RAPGEF1: variants seen among roughly 807,000 people sequenced by gnomAD.
RAPGEF1 encodes the protein CRK SH3-binding GNRP.
RAPGEF1 carries 33 observed loss-of-function variants against 143.3 expected under a neutral mutation model. That is an observed-to-expected ratio of 0.23 (90% CI 0.17 to 0.31). RAPGEF1 has a LOEUF of 0.31. Ranked by LOEUF, RAPGEF1 falls within the 10% of genes least tolerant of loss-of-function variation. The pLI is 1.00. For synonymous variants in RAPGEF1, 629 were observed against 676.5 expected, an observed-to-expected ratio of 0.93 and a Z score of 1.09; for missense variants, 1,199 against 1,645.4, an observed-to-expected ratio of 0.73 and a Z score of 4.69.
At chr9:131,737,703 G>A (rs1837509583) in intron 1 of RAPGEF1, among the ~76,000 whole-genome samples, 1 of 152,060 alleles carries the variant, frequency 6.6e-6, no homozygotes, top group Non-Finnish European at 1.5e-5. Context: ...GGTGGCTCAC[G>A]CATGTAATCC....
Position 131,603,896 on chromosome 9 carries a change from G to A in RAPGEF1, c.2412+65C>T, listed in dbSNP as rs933839530. The A allele has an allele frequency of 1.1e-5, 11 of 1,041,456 alleles. No individual in the cohort carries two copies. In the East Asian group the frequency reaches 5.8e-4, roughly 55 times the overall value. The allele number at this position is 1,041,456 out of a possible 1,614,324, so 64.5% of individuals were successfully genotyped here. A position where few individuals can be genotyped will look rare whatever the true frequency, so the allele number is the denominator to read the frequency against. On this transcript the variant is annotated intron_variant, in intron 14 of 26. Transcript: ENST00000683357. ...AAGCAGGTGCGGGGGAAGCGGCCTC[G>A]GGAGGGCAGAGCCCAAGCCCCACCA...
At chr9:131,726,655 C>T (rs1836693848) in intron 1 of RAPGEF1, among the ~76,000 whole-genome samples, 1 of 151,810 alleles carries the variant, frequency 6.6e-6, no homozygotes, top group Admixed American at 6.6e-5. Flanking sequence ...GAAGCAGATC[C>T]ATGCTGCCAG....
At chr9:131,681,695 C>A (rs994580949) in intron 1 of RAPGEF1, among the ~76,000 whole-genome samples, 1 of 152,172 alleles carries the variant, frequency 6.6e-6, no homozygotes, top group Non-Finnish European at 1.5e-5. Flanking sequence ...TGCGCACCAG[C>A]TTTTGGGGGT....
chr9:131,639,747 A>G (rs1408727640), intron 4 of RAPGEF1, among the ~76,000 whole-genome samples: 1 of 152,174 alleles, frequency 6.6e-6, no homozygotes, highest in Non-Finnish European at 1.5e-5. Flanking sequence ...ACACCCCAAA[A>G]TGATGCAGAT....
chr9:131,597,331 ATC>A (rs1955475213), intron 16 of RAPGEF1, among the ~76,000 whole-genome samples: 1 of 152,206 alleles, frequency 6.6e-6, no homozygotes, highest in African/African-American at 2.4e-5. Flanking sequence ...TATGGCAAGG[ATC>A]TCTCTGCAGA....
At chr9:131,603,679 G>GTGC (rs1956637731) in intron 14 of RAPGEF1, among the ~76,000 whole-genome samples, 1 of 152,100 alleles carries the variant, frequency 6.6e-6, no homozygotes, top group South Asian at 2.1e-4. Flanking sequence ...GCCGGGGCCC[G>GTGC]TGCCACGCTG....
intron 5 of RAPGEF1, among the ~76,000 whole-genome samples, chr9:131,633,722 C>T (rs1588628127): frequency 1.3e-5 from 2 of 152,140 alleles, no homozygotes; most frequent in Non-Finnish European, 2.9e-5. Flanking sequence ...ATAAAAGGGG[C>T]GGGCTGCTTT....
rs181495081 is a variant in RAPGEF1, at chr9:131,655,880, C to A, written c.62-4931G>T. Among the ~76,000 whole-genome samples the A allele has an allele frequency of 2.0e-5, 3 of 152,096 alleles. No homozygotes were observed. The highest frequency in any genetic ancestry group is 2.9e-5 in the Non-Finnish European group (2 of 67,974). On this transcript the variant is annotated intron_variant, in intron 1 of 26. Transcript: ENST00000683357. The surrounding 1 kb of genome is among the most constrained non-coding windows in gnomAD (Gnocchi z 4.1). ...GAGATTACAGGTGTGAGCCACCGCG[C>A]CCGGCCAAAAAATTTTCTAAAAGGG...
intron 1 of RAPGEF1, among the ~76,000 whole-genome samples, chr9:131,664,274 T>C (rs115153497): frequency 0.018 from 2,804 of 152,292 alleles, 71 homozygotes; most frequent in African/African-American, 0.05. Flanking sequence ...ATTTCTTTAA[T>C]GTACCCTAGC....
chr9:131,588,645 C>T (rs567441552), intron 20 of RAPGEF1, among the ~76,000 whole-genome samples, 156 bp downstream of exon 20: 39 of 152,308 alleles, frequency 2.6e-4, no homozygotes, highest in African/African-American at 6.7e-4. Context: ...AGAAGAGGCC[C>T]AGCCCCCAGG....
chr9:131,586,525 A>AAC (rs57523580), intron 22 of RAPGEF1, among the ~76,000 whole-genome samples: 3,749 of 5,902 alleles, frequency 0.64, 1,717 homozygotes, highest in Non-Finnish European at 0.67. Context: ...GACTCCGTCA[A>AAC]ACACACACAC....
intron 13 of RAPGEF1, 110 bp from the exon 14 acceptor site, chr9:131,604,163 G>C: frequency 1.7e-6 from 1 of 573,680 alleles, no homozygotes; most frequent in African/African-American, 2.0e-5. Flanking sequence ...CAGGTGCAGA[G>C]AGCAAAGCTG....
At position 131,618,990 on chromosome 9, in the gene RAPGEF1, G is replaced by A. The variant is rs961977741; in HGVS notation, c.2061+61C>T. 25 of 1,287,364 alleles carry A rather than the reference G, an allele frequency of 1.9e-5. No homozygotes were observed. The Admixed American group carries it at 3.6e-4, about 18-fold the overall frequency. The allele number at this position is 1,287,364 out of a possible 1,614,324, so 79.7% of individuals were successfully genotyped here. A position where few individuals can be genotyped will look rare whatever the true frequency, so the allele number is the denominator to read the frequency against. Reference sequence around the variant, plus strand: ...AGCAGAACACATGGCTGAGGCACACGCTTCCAAGGAACGGCCCTGTTCACG... The same window carrying A: ...AGCAGAACACATGGCTGAGGCACACACTTCCAAGGAACGGCCCTGTTCACG... On this transcript the variant is annotated intron_variant, in intron 12 of 26. Coordinates refer to ENST00000683357, the MANE Select transcript of RAPGEF1 (RefSeq NM_001377935.1).
rs188129039 is a variant in RAPGEF1 at position 131,589,073 on chromosome 9, G to A, written c.2868-87C>T. 24 of 1,328,330 alleles carry A rather than the reference G, an allele frequency of 1.8e-5. No homozygotes were observed. The East Asian group carries it at 3.3e-4, about 18-fold the overall frequency. 82.3% of individuals were successfully genotyped at this position (1,328,330 alleles called of 1,614,324 possible). Reference sequence around the variant, plus strand: ...TTGCCTTGAGACACACAAAGGGCACGGGGCTGTGACCGGCACAGAGCTGGC... The same window carrying A: ...TTGCCTTGAGACACACAAAGGGCACAGGGCTGTGACCGGCACAGAGCTGGC... On this transcript the variant is annotated intron_variant, in intron 19 of 26. Coordinates refer to ENST00000683357, the MANE Select transcript of RAPGEF1 (RefSeq NM_001377935.1).
At chr9:131,673,368 T>C (rs1831709348) in intron 1 of RAPGEF1, among the ~76,000 whole-genome samples, 1 of 152,222 alleles carries the variant, frequency 6.6e-6, no homozygotes, top group African/African-American at 2.4e-5. Flanking sequence ...CCATGCCACC[T>C]GGCCTGCTAG....
Position 131,675,316 on chromosome 9 carries a change from G to A in RAPGEF1, c.62-24367C>T, listed in dbSNP as rs1012859353. On this transcript the variant is annotated intron_variant, in intron 1 of 26. Transcript: ENST00000683357. The surrounding 1 kb of genome is among the most constrained non-coding windows in gnomAD (Gnocchi z 4.6). The stretch of plus-strand genomic sequence containing the variant: ...GAACAGGTGACCTGACTCAGGGAGG[G>A]CAAGAGCCAGGGGCTGGGCGAGGCT... Among the ~76,000 whole-genome samples the A allele has an allele frequency of 2.6e-5, 4 of 152,318 alleles. No homozygotes were observed. Among genetic ancestry groups the A allele is most frequent in the Middle Eastern group, 3.4e-3 (1 of 294 alleles).
chr9:131,661,134 G>A (rs553040247), intron 1 of RAPGEF1, among the ~76,000 whole-genome samples: 59 of 152,164 alleles, frequency 3.9e-4, no homozygotes, highest in Non-Finnish European at 7.8e-4. Context: ...TTCCTCTCCA[G>A]CCCAATAACT....
At position 131,626,416 on chromosome 9, in the gene RAPGEF1, T is replaced by C. The variant is rs376892315; in HGVS notation, c.1208A>G (p.Tyr403Cys). ...RNTSCETLDH[Y>C]DPDYEFLQQD... ...CTGGAGGAATTCATAGTCGGGATCA[T>C]AGTGGTCTGCAGTTACAACAGGGGA... is the stretch of plus-strand genomic sequence containing the variant. Residue 403 changes from tyrosine (Y) to cysteine (C), a missense_variant, in exon 10 of 27, where the codon TAT (tyrosine) becomes TGT (cysteine). By Grantham distance (194) the Tyr-to-Cys change is radical. This residue lies in a region of RAPGEF1 where 613 missense variants were observed against 710.9 expected (regional missense o/e 0.86). Coordinates refer to ENST00000683357, the MANE Select transcript of RAPGEF1 (RefSeq NM_001377935.1). 8.8e-6 allele frequency: 14 copies of C among 1,590,212 alleles called. No individual in the cohort carries two copies. Among genetic ancestry groups the C allele is most frequent in the African/African-American group, 1.3e-5 (1 of 74,212 alleles).
chr9:131,709,708 C>G, intron 1 of RAPGEF1: 2 of 1,613,826 alleles, frequency 1.2e-6, no homozygotes, highest in Non-Finnish European at 1.7e-6. Context: ...ACACAGGGCC[C>G]TTCCCAGCCC....
Sources: allele counts gnomAD v4.1 joint callset (sites outside exome capture counted in the v4.1 genomes callset), GRCh38; gene constraint gnomAD v4.1.1; regional missense constraint gnomAD v4.1.1; non-coding constraint Gnocchi (gnomAD v3.1); transcripts MANE v1.5; gene names NCBI Gene and HGNC (gene_info 2026-07-23, HGNC 2026-07-21).